The following FUT9 variants were observed in gnomAD, a reference collection of about 807,000 sequenced individuals.
The protein encoded by FUT9 is fucosyltransferase 9.
FUT9 carries 15 observed loss-of-function variants against 29.7 expected under a neutral mutation model. The ratio of observed to expected loss-of-function variants is 0.51; its 90% CI spans 0.34 to 0.78. The LOEUF is 0.78. Among genes scored for constraint, FUT9 ranks in the 30% least tolerant of loss-of-function variants. The pLI is 0.01. For missense variants in FUT9, 319 were observed against 425.4 expected, an observed-to-expected ratio of 0.75 and a Z score of 2.20; for synonymous variants, 169 against 153.7, an observed-to-expected ratio of 1.10 and a Z score of -0.74.
chr6:96,030,771 A>C (rs1472295228), intron 1 of FUT9, among the ~76,000 whole-genome samples: 1 of 151,592 alleles, frequency 6.6e-6, no homozygotes, highest in Non-Finnish European at 1.5e-5. Flanking sequence ...TGGTATATTC[A>C]TACAATGACA....
intron 2 of FUT9, among the ~76,000 whole-genome samples, chr6:96,157,774 C>T (rs1772813383): frequency 6.6e-6 from 1 of 152,120 alleles, no homozygotes; most frequent in Non-Finnish European, 1.5e-5. Context: ...GAATCAATAT[C>T]ATATTAATAT....
chr6:96,065,990 G>A (rs746167911), intron 1 of FUT9, among the ~76,000 whole-genome samples: 1 of 152,110 alleles, frequency 6.6e-6, no homozygotes, highest in Non-Finnish European at 1.5e-5. Context: ...AACTGTTTTA[G>A]TACAAACATT....
At chr6:96,147,496 C>A (rs1371801641) in intron 2 of FUT9, among the ~76,000 whole-genome samples, 2 of 151,906 alleles carry the variant, frequency 1.3e-5, no homozygotes, top group Non-Finnish European at 2.9e-5. Flanking sequence ...TCATGTTTGT[C>A]CTAAAGCAAA....
intron 1 of FUT9, among the ~76,000 whole-genome samples, chr6:96,055,371 G>T (rs1770743210): frequency 7.5e-6 from 1 of 132,738 alleles, no homozygotes. Flanking sequence ...TCGAGTTAAT[G>T]GCTGTTTGGG....
chr6:96,050,945 A>G (rs1167936481), intron 1 of FUT9, among the ~76,000 whole-genome samples: 3 of 152,170 alleles, frequency 2.0e-5, no homozygotes, highest in Non-Finnish European at 4.4e-5. Flanking sequence ...GCTATTTCAG[A>G]TCAACTGAGT....
chr6:96,152,699 C>G (rs1272842768), intron 2 of FUT9, among the ~76,000 whole-genome samples: 1 of 152,120 alleles, frequency 6.6e-6, no homozygotes, highest in African/African-American at 2.4e-5. Context: ...CACTGATTCT[C>G]TATGTAGTCA....
At chr6:96,152,577 A>G (rs963123351) in intron 2 of FUT9, among the ~76,000 whole-genome samples, 2 of 152,182 alleles carry the variant, frequency 1.3e-5, no homozygotes, top group Non-Finnish European at 2.9e-5. Context: ...CTGGATAATT[A>G]TAATTTTATA....
intron 1 of FUT9, among the ~76,000 whole-genome samples, chr6:96,064,815 C>T (rs374466102): frequency 2.6e-5 from 4 of 152,114 alleles, no homozygotes; most frequent in South Asian, 4.2e-4. Context: ...CCCACCTCAG[C>T]CTGCATTAGC....
rs1423936818 is a variant in FUT9 at position 96,209,255 on chromosome 6, A to G, written c.*5020A>G. The G allele has an allele frequency of 6.0e-6, 1 of 166,814 alleles. No individual in the cohort carries two copies. Among genetic ancestry groups the G allele is most frequent in the East Asian group, 1.9e-4 (1 of 5,204 alleles). 10.3% of individuals were successfully genotyped at this position (166,814 alleles called of 1,614,324 possible). On this transcript the variant is annotated 3_prime_UTR_variant, in exon 3 of 3. Coordinates refer to ENST00000302103, the MANE Select transcript of FUT9 (RefSeq NM_006581.4). ...AATGTCCATCTCAAAGTAATTTTTT[A>G]GGATATTCCATACAGATTTCCTTCT...
intron 1 of FUT9, among the ~76,000 whole-genome samples, chr6:96,065,950 T>C (rs562437466): frequency 3.3e-4 from 51 of 152,256 alleles, no homozygotes; most frequent in African/African-American, 1.2e-3. Flanking sequence ...AAAATGAACA[T>C]TGAAGAAAAG....
At chr6:96,095,113 T>A (rs923432106) in intron 1 of FUT9, among the ~76,000 whole-genome samples, 3 of 152,086 alleles carry the variant, frequency 2.0e-5, no homozygotes, top group Non-Finnish European at 4.4e-5. Context: ...TGTCACATCA[T>A]CTGTGAAGCC....
At chr6:96,081,260 C>A (rs1369884424) in intron 1 of FUT9, among the ~76,000 whole-genome samples, 1 of 150,688 alleles carries the variant, frequency 6.6e-6, no homozygotes, top group Non-Finnish European at 1.5e-5. Flanking sequence ...CCATTTCTTG[C>A]AATGATTCAC....
At chr6:96,165,817 T>C (rs975978269) in intron 2 of FUT9, among the ~76,000 whole-genome samples, 1 of 152,116 alleles carries the variant, frequency 6.6e-6, no homozygotes. Flanking sequence ...AGTTTTGCCA[T>C]GTTGCCCAGG....
intron 2 of FUT9, among the ~76,000 whole-genome samples, chr6:96,142,108 C>A (rs1362512078): frequency 1.3e-5 from 2 of 152,122 alleles, no homozygotes; most frequent in Non-Finnish European, 2.9e-5. Flanking sequence ...CTGTACAATT[C>A]TTTTAAAACC....
chr6:96,051,645 C>A (rs954445917), intron 1 of FUT9, among the ~76,000 whole-genome samples: 2 of 151,642 alleles, frequency 1.3e-5, no homozygotes, highest in African/African-American at 2.4e-5. Context: ...AGAGCAAGAT[C>A]CCATCTCTAA....
intron 2 of FUT9, among the ~76,000 whole-genome samples, chr6:96,194,691 T>G (rs892568172): frequency 9.8e-6 from 1 of 101,976 alleles, no homozygotes; most frequent in African/African-American, 3.1e-5. Context: ...CAGCCCAAAA[T>G]GAGAGTTTTG....
intron 1 of FUT9, among the ~76,000 whole-genome samples, chr6:96,017,768 T>A (rs115217120): frequency 0.019 from 2,895 of 152,142 alleles, 45 homozygotes; most frequent in African/African-American, 0.045. Context: ...TCACTATAAT[T>A]TGAGGGGAAT....
At chr6:96,085,768 T>C (rs1055750209) in intron 1 of FUT9, among the ~76,000 whole-genome samples, 2 of 152,166 alleles carry the variant, frequency 1.3e-5, no homozygotes, top group African/African-American at 4.8e-5. Context: ...AGCATAGTTA[T>C]AAATTAATTC....
chr6:96,185,666 T>TCATTAGCCTCCTCACA (rs1773392888), intron 2 of FUT9, among the ~76,000 whole-genome samples: 1 of 152,090 alleles, frequency 6.6e-6, no homozygotes, highest in Non-Finnish European at 1.5e-5. Context: ...TGAGGAGGGA[T>TCATTAGCCTCCTCACA]CAGCCTTAGA....
Sources: gnomAD v4.1 joint callset for allele counts (sites outside exome capture counted in the v4.1 genomes callset) on GRCh38, gnomAD v4.1.1 for gene constraint, MANE v1.5 for transcripts, NCBI Gene and HGNC (gene_info 2026-07-23, HGNC 2026-07-21) for gene names.